DCLRE1C: variants seen among roughly 807,000 people sequenced by gnomAD.
The protein encoded by DCLRE1C is DNA cross-link repair 1C.
In DCLRE1C, 47 loss-of-function variants were observed where a neutral mutation model predicts 61.4. The observed-to-expected ratio is 0.77, with a 90% CI of 0.61 to 0.98. The LOEUF (loss-of-function observed/expected upper bound fraction) is 0.98, where lower values mean the gene tolerates loss of function less well. Among genes scored for constraint, DCLRE1C ranks in the 50% least tolerant of loss-of-function variants. The pLI is 0.00. For missense variants in DCLRE1C, 858 were observed against 816.0 expected (o/e 1.05, Z -0.63); for synonymous variants, 337 against 287.6 (o/e 1.17, Z -1.74).
At chr10:14,929,290 G>A (rs1468188032) in intron 9 of DCLRE1C, among the ~76,000 whole-genome samples, 1 of 152,112 alleles carries the variant, frequency 6.6e-6, no homozygotes, top group Non-Finnish European at 1.5e-5. Context: ...TGTAATCCCA[G>A]CTACTTGGGA....
chr10:14,902,507 A>T, downstream of DCLRE1C: 4 of 1,568,816 alleles, frequency 2.5e-6, no homozygotes, highest in Non-Finnish European at 3.4e-6. Flanking sequence ...AGGTTACCTC[A>T]ACTGAACTTT....
chr10:14,914,527 T>G (rs1009413635), intron 13 of DCLRE1C, among the ~76,000 whole-genome samples: 1 of 152,262 alleles, frequency 6.6e-6, no homozygotes, highest in South Asian at 2.1e-4. Flanking sequence ...TTGACATTTA[T>G]AGAACACTTC....
intron 7 of DCLRE1C, 67 bp downstream of exon 7, chr10:14,934,636 C>G (rs1027362301): frequency 1.2e-6 from 2 of 1,611,200 alleles, no homozygotes; most frequent in African/African-American, 2.7e-5. Context: ...ACCTGTCACC[C>G]TACAAACTTC....
chr10:14,938,420 C>T (rs1235622037), intron 4 of DCLRE1C, among the ~76,000 whole-genome samples: 1 of 152,062 alleles, frequency 6.6e-6, no homozygotes, highest in Non-Finnish European at 1.5e-5. Context: ...GGGAAGAATA[C>T]TTCAACTTCA....
chr10:14,948,203 G>A (rs962163945), intron 2 of DCLRE1C, among the ~76,000 whole-genome samples: 5 of 149,422 alleles, frequency 3.3e-5, no homozygotes, highest in South Asian at 2.1e-4. Context: ...GTAAGTCCCC[G>A]TCTCTACAAA....
Position 14,908,686 on chromosome 10 carries a change from T to C in DCLRE1C, c.1801A>G (p.Thr601Ala), listed in dbSNP as rs1216929848. 2.6e-5 allele frequency: 42 copies of C among 1,614,106 alleles called. No individual in the cohort carries two copies. The highest frequency in any genetic ancestry group is 3.2e-5 in the Non-Finnish European group (38 of 1,180,052). ...TCTCTGCTTTTCAAATCAGAGTAAGTATCCTTTGGGCAAATTACATTTTGT... is the reference window on the plus strand; with the variant it reads ...TCTCTGCTTTTCAAATCAGAGTAAGCATCCTTTGGGCAAATTACATTTTGT... Reference protein sequence around the residue: ...MEQNVICPKDTYSDLKSRDKD... With the variant: ...MEQNVICPKDAYSDLKSRDKD... The change falls in exon 14 of 14, where the codon ACT (threonine) becomes GCT (alanine). Residue 601 changes from threonine (T) to alanine (A), a missense_variant. Around this residue, in one of 2 missense-constraint regions of DCLRE1C, gnomAD observed 843 missense variants for 783.5 expected, o/e 1.08. Transcript: ENST00000378278.
chr10:14,919,653 A>G (rs1588964186), intron 13 of DCLRE1C, 85 bp downstream of exon 13: 1 of 1,047,986 alleles, frequency 9.5e-7, no homozygotes, highest in Non-Finnish European at 1.5e-6. Context: ...ACTCTGCCCA[A>G]GGCCACTTCT....
At chr10:14,952,416 C>T (rs568143825) in intron 1 of DCLRE1C, among the ~76,000 whole-genome samples, 1 of 152,174 alleles carries the variant, frequency 6.6e-6, no homozygotes, top group South Asian at 2.1e-4. Flanking sequence ...GGTGAAACAT[C>T]ATCTCTACTA....
At chr10:14,912,623 G>C (rs972308184) in intron 13 of DCLRE1C, among the ~76,000 whole-genome samples, 2 of 152,234 alleles carry the variant, frequency 1.3e-5, no homozygotes, top group Non-Finnish European at 2.9e-5. Flanking sequence ...ATATGCCACA[G>C]TATAGATGTA....
chr10:14,943,859 T>C (rs1174493253), intron 3 of DCLRE1C, among the ~76,000 whole-genome samples: 2 of 152,162 alleles, frequency 1.3e-5, no homozygotes, highest in Admixed American at 1.3e-4. Context: ...TTTGTCTGAT[T>C]TTTTTAACTT....
intron 2 of DCLRE1C, 26 bp from the exon 3 acceptor site, chr10:14,945,215 T>C: frequency 6.3e-7 from 1 of 1,597,206 alleles, no homozygotes; most frequent in Non-Finnish European, 8.6e-7. Flanking sequence ...AAAAAAACTT[T>C]CAGTACAATC....
Position 14,906,558 on chromosome 10 carries a change from A to C in DCLRE1C, c.*1850T>G, listed in dbSNP as rs1564355322. Among the ~76,000 whole-genome samples, 1 of 152,270 alleles carries C rather than the reference A, an allele frequency of 6.6e-6. No homozygotes were observed. Among genetic ancestry groups the C allele is most frequent in the Non-Finnish European group, 1.5e-5 (1 of 68,054 alleles). On this transcript the variant is annotated 3_prime_UTR_variant, in exon 14 of 14. Transcript: ENST00000378278. ...CTAAGTTTTAGTTAACAGTGAATAT[A>C]TACAAATGTGTATAGTTATGTGTAT...
intron 10 of DCLRE1C, 50 bp downstream of exon 10, chr10:14,927,966 A>T: frequency 1.3e-6 from 2 of 1,591,246 alleles, no homozygotes; most frequent in Non-Finnish European, 1.7e-6. Flanking sequence ...ATTAAATCAG[A>T]CAATTTACTC....
chr10:14,900,552 A>C (rs1833933363), downstream of DCLRE1C, among the ~76,000 whole-genome samples: 1 of 152,186 alleles, frequency 6.6e-6, no homozygotes, highest in Non-Finnish European at 1.5e-5. Flanking sequence ...CTCAAAATAG[A>C]GATATTCTAT....
intron 4 of DCLRE1C, among the ~76,000 whole-genome samples, chr10:14,937,152 G>A (rs2130984617): frequency 6.6e-6 from 1 of 152,244 alleles, no homozygotes; most frequent in African/African-American, 2.4e-5. Flanking sequence ...GGTTGGGGAA[G>A]GAGAGAATAG....
chr10:14,930,783 T>A (rs1373063942), intron 9 of DCLRE1C, among the ~76,000 whole-genome samples: 1 of 152,162 alleles, frequency 6.6e-6, no homozygotes, highest in African/African-American at 2.4e-5. Flanking sequence ...CCACTGGACG[T>A]GTCTGTATAT....
chr10:14,913,469 A>G (rs1029815254), intron 13 of DCLRE1C, among the ~76,000 whole-genome samples: 1 of 152,240 alleles, frequency 6.6e-6, no homozygotes, highest in Non-Finnish European at 1.5e-5. Context: ...ATGTATGACA[A>G]TAACAGCACA....
Position 14,932,858 on chromosome 10 carries a change from G to C in DCLRE1C, c.776C>G (p.Pro259Arg). 1 of 1,614,112 alleles carries C rather than the reference G, an allele frequency of 6.2e-7. No individual in the cohort carries two copies. The highest frequency in any genetic ancestry group is 8.5e-7 in the Non-Finnish European group (1 of 1,179,996). Residue 259 changes from proline (P) to arginine (R), a missense_variant, in exon 9 of 14, where the codon CCC becomes CGC. Pro to Arg is a moderately radical substitution (Grantham distance 103). Coordinates refer to ENST00000378278, the MANE Select transcript of DCLRE1C (RefSeq NM_001033855.3). ...RNTQIHACRH[P>R]KAEEYFQWSK... ...AGGAATCACTTGCACACGTACCTTGGGATGCCGGCATGCATGGATCTGAGT... is the reference window on the plus strand; with the variant it reads ...AGGAATCACTTGCACACGTACCTTGCGATGCCGGCATGCATGGATCTGAGT...
intron 5 of DCLRE1C, among the ~76,000 whole-genome samples, chr10:14,936,284 A>C (rs1341408578): frequency 1.3e-5 from 2 of 151,318 alleles, no homozygotes; most frequent in Non-Finnish European, 2.9e-5. Context: ...GTTTTAAATG[A>C]CTAGAAAAAA....
Sources: allele counts gnomAD v4.1 joint callset (sites outside exome capture counted in the v4.1 genomes callset), GRCh38; gene constraint gnomAD v4.1.1; regional missense constraint gnomAD v4.1.1; transcripts MANE v1.5; gene names NCBI Gene and HGNC (gene_info 2026-07-23, HGNC 2026-07-21).